Variants in COL22A1 observed in about 807,000 individuals in gnomAD.
COL22A1 encodes collagen type XXII alpha 1 chain.
Under a neutral mutation model 248.9 loss-of-function variants are expected in COL22A1, and 221 were observed. The observed-to-expected ratio is 0.89, with a 90% confidence interval of 0.80 to 0.99. The LOEUF (loss-of-function observed/expected upper bound fraction) is 0.99, where lower values mean the gene tolerates loss of function less well. Ranked by LOEUF, COL22A1 falls within the 50% of genes least tolerant of loss-of-function variation. COL22A1 has a pLI of 0.00. For missense variants in COL22A1, 2,240 were observed against 2,179.0 expected (o/e 1.03, Z -0.56); for synonymous variants, 891 against 793.4 (o/e 1.12, Z -2.07).
rs912659776 is a variant in COL22A1, at chr8:138,837,718, G to C, written c.734-4568C>G. ...GGGGCTGGTGCCTCTGAATGGGGGA[G>C]CTTGGCCATGAAGACCTGGAGGGCC... On this transcript the variant is annotated intron_variant, in intron 4 of 64. Coordinates refer to ENST00000303045, the MANE Select transcript of COL22A1 (RefSeq NM_152888.3). Among the ~76,000 whole-genome samples the C allele has an allele frequency of 6.6e-5, 10 of 152,326 alleles. No individual in the cohort carries two copies. The South Asian group carries it at 1.0e-3, about 16-fold the overall frequency.
intron 51 of COL22A1, among the ~76,000 whole-genome samples, chr8:138,625,368 G>A (rs1052094739): frequency 6.6e-6 from 1 of 152,134 alleles, no homozygotes; most frequent in African/African-American, 2.4e-5. Context: ...AAGGCACAGT[G>A]GAGGGCAGGG....
intron 50 of COL22A1, among the ~76,000 whole-genome samples, chr8:138,627,186 C>A (rs1298072761): frequency 6.6e-6 from 1 of 152,176 alleles, no homozygotes; most frequent in Non-Finnish European, 1.5e-5. Context: ...CAACCCAAGA[C>A]AAAGATGGAG....
Position 138,780,788 on chromosome 8 carries a change from G to A in COL22A1, c.1650+139C>T. The stretch of plus-strand genomic sequence containing the variant: ...CTATTAGGCTGAGCTCCTGGTATCT[G>A]CGAGGATCCTAATATAAATACGTCC... On this transcript the variant is annotated intron_variant, in intron 13 of 64. Transcript: ENST00000303045. 6.7e-6 allele frequency: 5 copies of A among 745,278 alleles called. No homozygotes were observed. The Middle Eastern group carries it at 1.1e-3, about 164-fold the overall frequency. The allele number at this position is 745,278 out of a possible 1,614,324, so 46.2% of individuals were successfully genotyped here. A position where few individuals can be genotyped will look rare whatever the true frequency, so the allele number is the denominator to read the frequency against.
In COL22A1 at chr8:138,865,793, C is replaced by CTGTG. The variant is rs34146468; in HGVS notation, c.658+11953_658+11956dup. Among the ~76,000 whole-genome samples, 366 of 115,122 alleles carry CTGTG rather than the reference C, an allele frequency of 3.2e-3. 2 individuals carry two copies. Among genetic ancestry groups the CTGTG allele is most frequent in the Admixed American group, 0.011 (122 of 11,220 alleles). The allele number at this position is 115,122 out of a possible 152,430, so 75.5% of individuals were successfully genotyped here. A position where few individuals can be genotyped will look rare whatever the true frequency, so the allele number is the denominator to read the frequency against. On this transcript the variant is annotated intron_variant, in intron 3 of 64. Coordinates refer to ENST00000303045, the MANE Select transcript of COL22A1 (RefSeq NM_152888.3). ...TGCCTCTGAGTGTATGTTTGTATGC[C>CTGTG]TGTGTGTGTGTGTATGTTTGTATGC...
chr8:138,590,218 G>A (rs1045432588), intron 64 of COL22A1, among the ~76,000 whole-genome samples: 5 of 152,074 alleles, frequency 3.3e-5, no homozygotes, highest in African/African-American at 9.6e-5. Context: ...CTTAGTAATC[G>A]TCTTATCAGA....
intron 23 of COL22A1, among the ~76,000 whole-genome samples, chr8:138,734,260 A>C (rs1830937445): frequency 2.6e-5 from 4 of 152,212 alleles, no homozygotes. Flanking sequence ...GTTCAGATGA[A>C]AACACCTCCT....
intron 30 of COL22A1, among the ~76,000 whole-genome samples, chr8:138,711,493 T>C (rs1350058557): frequency 6.6e-6 from 1 of 152,232 alleles, no homozygotes; most frequent in Non-Finnish European, 1.5e-5. Context: ...AGGGGCTTTA[T>C]GGTCTCGCTA....
intron 62 of COL22A1, among the ~76,000 whole-genome samples, chr8:138,596,659 G>C (rs576256468): frequency 3.3e-5 from 5 of 152,180 alleles, no homozygotes; most frequent in African/African-American, 1.2e-4. Context: ...AGCTCTTTTT[G>C]TAGATAGTGA....
At chr8:138,756,053 G>A (rs1304266966) in intron 18 of COL22A1, among the ~76,000 whole-genome samples, 3 of 152,116 alleles carry the variant, frequency 2.0e-5, no homozygotes, top group Admixed American at 2.0e-4. Context: ...GCTGGCAGGA[G>A]TCTTATTTTC....
At chr8:138,885,079 T>G (rs954061367) in intron 1 of COL22A1, among the ~76,000 whole-genome samples, 4 of 152,170 alleles carry the variant, frequency 2.6e-5, no homozygotes, top group Non-Finnish European at 5.9e-5. Context: ...TTTGAAATCA[T>G]GAGCCACCAG....
At chr8:138,896,011 G>C (rs535851660) in intron 1 of COL22A1, among the ~76,000 whole-genome samples, 1 of 152,120 alleles carries the variant, frequency 6.6e-6, no homozygotes. Context: ...TTCTTCAAGC[G>C]CTGAAAGAGA....
intron 34 of COL22A1, among the ~76,000 whole-genome samples, chr8:138,694,251 C>A (rs913807291): frequency 6.6e-6 from 1 of 152,184 alleles, no homozygotes; most frequent in Non-Finnish European, 1.5e-5. Flanking sequence ...ACGGCAGAAA[C>A]CTGCAGCTCA....
chr8:138,833,868 A>G (rs1441027329), intron 4 of COL22A1, among the ~76,000 whole-genome samples: 2 of 152,190 alleles, frequency 1.3e-5, no homozygotes, highest in African/African-American at 4.8e-5. Flanking sequence ...GGCAAGCTAC[A>G]TGACCCACAG....
At chr8:138,871,294 G>T (rs910919769) in intron 3 of COL22A1, among the ~76,000 whole-genome samples, 1 of 152,168 alleles carries the variant, frequency 6.6e-6, no homozygotes, top group Non-Finnish European at 1.5e-5. Flanking sequence ...GCCCCTCCGA[G>T]CTGTGTGAAC....
intron 8 of COL22A1, among the ~76,000 whole-genome samples, chr8:138,812,613 C>T (rs1380648866): frequency 6.6e-6 from 1 of 152,144 alleles, no homozygotes; most frequent in South Asian, 2.1e-4. Context: ...GCCTCTCCCT[C>T]CTCTGGGCGC....
In COL22A1 at chr8:138,886,093, G is replaced by A. The variant is rs1324888068; in HGVS notation, c.-72-2849C>T. On this transcript the variant is annotated intron_variant, in intron 1 of 64. Coordinates refer to ENST00000303045, the MANE Select transcript of COL22A1 (RefSeq NM_152888.3). ...GGCTGATATCTGGATGCTTACATCT[G>A]GAGAAATTATTCCCCGTATCACCTT... Among the ~76,000 whole-genome samples the A allele has an allele frequency of 2.0e-5, 3 of 152,122 alleles. No homozygotes were observed. The East Asian group carries it at 5.8e-4, about 29-fold the overall frequency.
intron 3 of COL22A1, among the ~76,000 whole-genome samples, chr8:138,853,791 G>T (rs1563846236): frequency 6.6e-6 from 1 of 152,186 alleles, no homozygotes; most frequent in Admixed American, 6.5e-5. Flanking sequence ...CAGCCCTTCT[G>T]ATTTTCTCAG....
At chr8:138,686,643 C>T (rs773307897) in intron 37 of COL22A1, among the ~76,000 whole-genome samples, 9 of 152,172 alleles carry the variant, frequency 5.9e-5, no homozygotes, top group Non-Finnish European at 1.0e-4. Context: ...ATCCCGGGCC[C>T]GGCCCTCAGC....
At chr8:138,725,930 C>G (rs1002659974) in intron 23 of COL22A1, among the ~76,000 whole-genome samples, 1 of 152,184 alleles carries the variant, frequency 6.6e-6, no homozygotes, top group Non-Finnish European at 1.5e-5. Context: ...TTCTGGTTCT[C>G]TAGGTATGGG....
Sources: allele counts gnomAD v4.1 joint callset (sites outside exome capture counted in the v4.1 genomes callset), GRCh38; gene constraint gnomAD v4.1.1; transcripts MANE v1.5; gene names NCBI Gene and HGNC (gene_info 2026-07-23, HGNC 2026-07-21).